PXK: variants seen among roughly 807,000 people sequenced by gnomAD.
PXK encodes PX domain-containing protein kinase-like protein.
A neutral mutation model predicts 84.7 loss-of-function variants in PXK; 35 were observed. The observed-to-expected ratio is 0.41, with a 90% CI of 0.32 to 0.55. The LOEUF is 0.55. PXK is among the 20% of genes least tolerant of loss of function. PXK has a pLI of 0.21. For synonymous variants in PXK, 253 were observed against 260.8 expected, an observed-to-expected ratio of 0.97 and a Z score of 0.29; for missense variants, 634 against 699.7, an observed-to-expected ratio of 0.91 and a Z score of 1.06.
chr3:58,405,428 C>T (rs1343024941), intron 13 of PXK, among the ~76,000 whole-genome samples: 3 of 152,050 alleles, frequency 2.0e-5, no homozygotes, highest in Admixed American at 1.3e-4. Context: ...CTTGTAATCC[C>T]AACACTTTGG....
Position 58,421,209 on chromosome 3 carries a change from G to T in PXK, c.1529-3543G>T, listed in dbSNP as rs902205263. 1 of 985,342 alleles carries T rather than the reference G, an allele frequency of 1.0e-6. No homozygotes were observed. The allele number at this position is 985,342 out of a possible 1,614,324, so 61.0% of individuals were successfully genotyped here. On this transcript the variant is annotated intron_variant, in intron 17 of 17. Coordinates refer to ENST00000356151, the MANE Select transcript of PXK (RefSeq NM_017771.5). The surrounding 1 kb of genome is among the most constrained non-coding windows in gnomAD (Gnocchi z 5.5). Reference sequence around the variant, plus strand: ...TCATGGCCACTTGGCCTCCCTTCCTGTATGTGACCACAAAGGAGCTCAGAA... The same window carrying T: ...TCATGGCCACTTGGCCTCCCTTCCTTTATGTGACCACAAAGGAGCTCAGAA...
chr3:58,348,848 G>A (rs1200435475), intron 1 of PXK, among the ~76,000 whole-genome samples: 1 of 152,082 alleles, frequency 6.6e-6, no homozygotes, highest in Non-Finnish European at 1.5e-5. Flanking sequence ...GGCAGTGGAG[G>A]CTGCAGTGAG....
At chr3:58,374,379 G>C (rs2098419852) in intron 3 of PXK, among the ~76,000 whole-genome samples, 1 of 151,942 alleles carries the variant, frequency 6.6e-6, no homozygotes. Flanking sequence ...TCATCATGTT[G>C]GCCAGGTTGG....
At chr3:58,358,335 C>G (rs1414704478) in intron 1 of PXK, among the ~76,000 whole-genome samples, 1 of 152,204 alleles carries the variant, frequency 6.6e-6, no homozygotes, top group Non-Finnish European at 1.5e-5. Context: ...CCATCCTACT[C>G]TACTTCTGGA....
At chr3:58,363,190 A>G (rs1042779839) in intron 1 of PXK, among the ~76,000 whole-genome samples, 4 of 152,130 alleles carry the variant, frequency 2.6e-5, no homozygotes, top group African/African-American at 9.7e-5. Flanking sequence ...AGTACTGTGC[A>G]TGTTTTAGAT....
At chr3:58,358,540 C>T (rs1559914307) in intron 1 of PXK, among the ~76,000 whole-genome samples, 1 of 152,184 alleles carries the variant, frequency 6.6e-6, no homozygotes, top group Non-Finnish European at 1.5e-5. Context: ...TATCCCAAGC[C>T]TCCATGGGCT....
chr3:58,348,805 C>T (rs2097865664), intron 1 of PXK, among the ~76,000 whole-genome samples: 1 of 151,628 alleles, frequency 6.6e-6, no homozygotes, highest in South Asian at 2.1e-4. Context: ...CTCAGCTACT[C>T]AGGAGGTTGA....
intron 1 of PXK, among the ~76,000 whole-genome samples, chr3:58,365,163 T>G (rs1367405006): frequency 3.3e-5 from 5 of 152,086 alleles, no homozygotes; most frequent in Non-Finnish European, 7.4e-5. Flanking sequence ...TAAATTTCCC[T>G]CTCAGTGCTG....
chr3:58,420,484 C>T, intron 17 of PXK: 3 of 1,529,038 alleles, frequency 2.0e-6, no homozygotes, highest in Non-Finnish European at 1.8e-6. Flanking sequence ...ACACTAAAAT[C>T]TGAATAATGA....
At chr3:58,343,655 G>A (rs1386546811) in intron 1 of PXK, among the ~76,000 whole-genome samples, 1 of 152,212 alleles carries the variant, frequency 6.6e-6, no homozygotes, top group East Asian at 1.9e-4. Context: ...CTGCCTCTTT[G>A]AGGCTTGTTT....
chr3:58,333,021 G>A lies in PXK; in HGVS notation c.33G>A (p.Lys11=). Residue 11 remains lysine, a synonymous_variant, in exon 1 of 18, where the codon AAG becomes AAA. Transcript: ENST00000356151. This position sits in a 1 kb window ranked among gnomAD's most constrained non-coding sequence, Gnocchi z 5.4. The part of the protein sequence containing the change: MAFMEKPPAG[K]VLLDDTVPLT... ...TCATGGAGAAGCCGCCAGCCGGCAA[G>A]GTGCTGCTGGACGACACGGTGCCGC... 1 of 1,367,598 alleles carries A rather than the reference G, an allele frequency of 7.3e-7. No homozygotes were observed. Among genetic ancestry groups the A allele is most frequent in the Non-Finnish European group, 9.5e-7 (1 of 1,047,334 alleles). The allele number at this position is 1,367,598 out of a possible 1,614,324, so 84.7% of individuals were successfully genotyped here. A position where few individuals can be genotyped will look rare whatever the true frequency, so the allele number is the denominator to read the frequency against.
chr3:58,386,463 T>G (rs1235514778), intron 4 of PXK, among the ~76,000 whole-genome samples: 8 of 151,410 alleles, frequency 5.3e-5, no homozygotes, highest in Non-Finnish European at 7.4e-5. Context: ...CCAAGCTAAT[T>G]TTTTTGTATT....
chr3:58,417,055 C>A (rs2061080406), intron 17 of PXK, among the ~76,000 whole-genome samples: 1 of 152,192 alleles, frequency 6.6e-6, no homozygotes, highest in Non-Finnish European at 1.5e-5. Context: ...TAGGCGTGCA[C>A]CACCACATCC....
chr3:58,366,053 G>A, intron 2 of PXK, 129 bp downstream of exon 2: 1 of 793,678 alleles, frequency 1.3e-6, no homozygotes, highest in Non-Finnish European at 1.9e-6. Context: ...GTTTCTTTTA[G>A]CTATAAACTT....
At chr3:58,422,325 G>C in intron 17 of PXK, 1 of 985,354 alleles carries the variant, frequency 1.0e-6, no homozygotes, top group Non-Finnish European at 1.2e-6. Context: ...TCCTTGCCCT[G>C]GTTGTACATA....
chr3:58,397,738 G>A lies in PXK; in HGVS notation c.1102+16G>A, dbSNP rs756399082. ...ATGGCTGTGGGTCAGTATGGGGTTGGGAAGGGTCTTCTGGGCCCTAGTAGT... is the reference window on the plus strand; with the variant it reads ...ATGGCTGTGGGTCAGTATGGGGTTGAGAAGGGTCTTCTGGGCCCTAGTAGT... On this transcript the variant is annotated intron_variant, in intron 11 of 17. Coordinates refer to ENST00000356151, the MANE Select transcript of PXK (RefSeq NM_017771.5). The surrounding 1 kb of genome is among the most constrained non-coding windows in gnomAD (Gnocchi z 4.7). The A allele has an allele frequency of 3.1e-6, 5 of 1,591,780 alleles. No homozygotes were observed. In the South Asian group the frequency reaches 3.3e-5, roughly 11 times the overall value.
At chr3:58,410,932 A>G (rs1286250480) in intron 16 of PXK, among the ~76,000 whole-genome samples, 1 of 152,174 alleles carries the variant, frequency 6.6e-6, no homozygotes, top group Non-Finnish European at 1.5e-5. Flanking sequence ...GAGAGGGGGA[A>G]TTTGAAGATG....
chr3:58,408,227 G>A (rs2059677065), intron 13 of PXK, among the ~76,000 whole-genome samples: 1 of 152,036 alleles, frequency 6.6e-6, no homozygotes, highest in Non-Finnish European at 1.5e-5. Flanking sequence ...TTTTCCATTG[G>A]TCTGTGTATC....
chr3:58,344,882 A>T (rs1289695844), intron 1 of PXK, among the ~76,000 whole-genome samples: 8 of 152,218 alleles, frequency 5.3e-5, no homozygotes, highest in African/African-American at 1.9e-4. Context: ...GGGCTCAGCC[A>T]TGAGCTCCCG....
Sources: allele counts gnomAD v4.1 joint callset (sites outside exome capture counted in the v4.1 genomes callset), GRCh38; gene constraint gnomAD v4.1.1; non-coding constraint Gnocchi (gnomAD v3.1); transcripts MANE v1.5; gene names NCBI Gene and HGNC (gene_info 2026-07-23, HGNC 2026-07-21).